Variants in GRM3 observed in about 807,000 individuals in gnomAD.
The protein encoded by GRM3 is glutamate metabotropic receptor 3, also known as metabotropic glutamate receptor 3.
A neutral mutation model predicts 70.5 loss-of-function variants in GRM3; 26 were observed. The ratio of observed to expected loss-of-function variants is 0.37; its 90% CI spans 0.27 to 0.51. GRM3 has a LOEUF of 0.51. Ranked by LOEUF, GRM3 falls within the 20% of genes least tolerant of loss-of-function variation. The pLI is 0.93. For missense variants in GRM3, 859 were observed against 1,123.8 expected, an observed-to-expected ratio of 0.76 and a Z score of 3.37; for synonymous variants, 443 against 434.9, an observed-to-expected ratio of 1.02 and a Z score of -0.23.
At chr7:86,703,091 C>CA (rs1794980828) in intron 1 of GRM3, among the ~76,000 whole-genome samples, 1 of 151,860 alleles carries the variant, frequency 6.6e-6, no homozygotes, top group Non-Finnish European at 1.5e-5. Flanking sequence ...GACAATGAGA[C>CA]AAAATATGTT....
intron 1 of GRM3, among the ~76,000 whole-genome samples, chr7:86,718,632 G>A (rs1409719346): frequency 1.3e-5 from 2 of 151,882 alleles, no homozygotes; most frequent in African/African-American, 4.8e-5. Flanking sequence ...ACCTGCCTCT[G>A]TAAGGCAAGT....
chr7:86,678,483 CAT>C (rs1434389157), intron 1 of GRM3, among the ~76,000 whole-genome samples: 7 of 152,040 alleles, frequency 4.6e-5, no homozygotes, highest in African/African-American at 1.7e-4. Context: ...AAGTAGAACA[CAT>C]GTCTTAAGGG....
chr7:86,771,959 T>C (rs723630), intron 2 of GRM3, among the ~76,000 whole-genome samples: 38,760 of 151,984 alleles, frequency 0.26, 5,016 homozygotes, highest in Middle Eastern at 0.31. Context: ...TCTTCAGCTG[T>C]CTGTATGCCT....
chr7:86,665,511 C>G (rs968955080), intron 1 of GRM3, among the ~76,000 whole-genome samples: 1 of 151,982 alleles, frequency 6.6e-6, no homozygotes, highest in Non-Finnish European at 1.5e-5. Context: ...CTAGTAGTAA[C>G]AATATCTTAC....
At chr7:86,694,936 T>C (rs934126479) in intron 1 of GRM3, among the ~76,000 whole-genome samples, 1 of 152,204 alleles carries the variant, frequency 6.6e-6, no homozygotes, top group Admixed American at 6.5e-5. Context: ...GCACTTCTGT[T>C]GGGTAATGAA....
At position 86,649,060 on chromosome 7, in the gene GRM3, G is replaced by A. The variant is rs142210199; in HGVS notation, c.-141+4188G>A. On this transcript the variant is annotated intron_variant, in intron 1 of 5. Coordinates refer to ENST00000361669, the MANE Select transcript of GRM3 (RefSeq NM_000840.3). The stretch of plus-strand genomic sequence containing the variant: ...TTCGACGGTACATGGAAACACTCAC[G>A]TGGATTAGGTTAAGAAATCAAGGAG... 6.6e-5 allele frequency among the ~76,000 whole-genome samples: 10 copies of A among 152,228 alleles called. No homozygotes were observed. The East Asian group carries it at 1.2e-3, about 18-fold the overall frequency.
chr7:86,839,250 G>T lies in GRM3; in HGVS notation c.1736G>T (p.Gly579Val). The change falls in exon 4 of 6, where the codon GGC becomes GTC. Residue 579 changes from glycine (G) to valine (V), a missense_variant. Coordinates refer to ENST00000361669, the MANE Select transcript of GRM3 (RefSeq NM_000840.3). The surrounding 1 kb of genome is among the most constrained non-coding windows in gnomAD (Gnocchi z 4.5). ...YIRWEDAWAI[G>V]PVTIACLGFM... The stretch of plus-strand genomic sequence containing the variant: ...AGGTGGGAAGACGCCTGGGCCATTG[G>T]CCCAGTCACCATTGCCTGTCTGGGT... 6.2e-7 allele frequency: 1 copy of T among 1,613,934 alleles called. No homozygotes were observed. Among genetic ancestry groups the T allele is most frequent in the Non-Finnish European group, 8.5e-7 (1 of 1,179,804 alleles).
chr7:86,659,794 T>C (rs1245368351), intron 1 of GRM3, among the ~76,000 whole-genome samples: 1 of 152,022 alleles, frequency 6.6e-6, no homozygotes, highest in Non-Finnish European at 1.5e-5. Context: ...ATAATTACAT[T>C]TTAAAGCTTT....
At chr7:86,827,835 C>CG (rs1562876237) in intron 3 of GRM3, among the ~76,000 whole-genome samples, 1 of 151,896 alleles carries the variant, frequency 6.6e-6, no homozygotes, top group Non-Finnish European at 1.5e-5. Flanking sequence ...AAATCCAGGC[C>CG]GGTGCGGTGG....
chr7:86,789,452 T>C (rs539915589), intron 3 of GRM3, among the ~76,000 whole-genome samples: 3 of 152,236 alleles, frequency 2.0e-5, no homozygotes, highest in Non-Finnish European at 4.4e-5. Context: ...TAGAGCTAGG[T>C]AAAAGATTAT....
intron 3 of GRM3, among the ~76,000 whole-genome samples, chr7:86,792,477 C>G (rs1797443249): frequency 6.6e-6 from 1 of 152,184 alleles, no homozygotes; most frequent in African/African-American, 2.4e-5. Context: ...TTATGCCATT[C>G]CTCTCTGCAA....
chr7:86,736,625 T>G (rs1795867063), intron 1 of GRM3, among the ~76,000 whole-genome samples: 2 of 152,244 alleles, frequency 1.3e-5, no homozygotes, highest in South Asian at 4.1e-4. Flanking sequence ...ATCTTCCACA[T>G]GTGGTTTCCA....
At chr7:86,767,514 C>T (rs983844899) in intron 2 of GRM3, among the ~76,000 whole-genome samples, 4 of 100,132 alleles carry the variant, frequency 4.0e-5, no homozygotes, top group Admixed American at 1.1e-4. Flanking sequence ...GGTCATACTT[C>T]ATATATATAT....
At chr7:86,653,343 C>G (rs1793654895) in intron 1 of GRM3, among the ~76,000 whole-genome samples, 1 of 152,188 alleles carries the variant, frequency 6.6e-6, no homozygotes, top group Non-Finnish European at 1.5e-5. Flanking sequence ...ATATTCGGTC[C>G]ATAACAATTA....
chr7:86,708,214 G>A (rs949785606), intron 1 of GRM3, among the ~76,000 whole-genome samples: 1 of 152,058 alleles, frequency 6.6e-6, no homozygotes, highest in Non-Finnish European at 1.5e-5. Flanking sequence ...AGCACCATAA[G>A]CCCCCTTCTT....
intron 1 of GRM3, among the ~76,000 whole-genome samples, chr7:86,721,925 A>G (rs1196566534): frequency 6.6e-6 from 1 of 152,146 alleles, no homozygotes; most frequent in African/African-American, 2.4e-5. Flanking sequence ...GGAAGATACC[A>G]GGAGAAACAT....
chr7:86,715,746 C>G (rs1191823914), intron 1 of GRM3, among the ~76,000 whole-genome samples: 1 of 152,012 alleles, frequency 6.6e-6, no homozygotes, highest in Non-Finnish European at 1.5e-5. Flanking sequence ...ATTCTAATAA[C>G]TCTTGAACCT....
intron 4 of GRM3, among the ~76,000 whole-genome samples, chr7:86,848,852 G>C (rs1229745075): frequency 6.6e-6 from 1 of 152,086 alleles, no homozygotes. Flanking sequence ...TCCCAATTCA[G>C]GGCATCCTCT....
At chr7:86,718,032 A>G (rs543470086) in intron 1 of GRM3, among the ~76,000 whole-genome samples, 2 of 148,332 alleles carry the variant, frequency 1.3e-5, no homozygotes, top group East Asian at 4.1e-4. Context: ...CCTAAAACTC[A>G]GAAATCCTAC....
Sources: allele counts gnomAD v4.1 joint callset (sites outside exome capture counted in the v4.1 genomes callset), GRCh38; gene constraint gnomAD v4.1.1; non-coding constraint Gnocchi (gnomAD v3.1); transcripts MANE v1.5; gene names NCBI Gene and HGNC (gene_info 2026-07-23, HGNC 2026-07-21).